The following UNC5D variants were observed in gnomAD, a reference collection of about 807,000 sequenced individuals.
UNC5D encodes the protein netrin receptor UNC5D.
A neutral mutation model predicts 105.4 loss-of-function variants in UNC5D; 39 were observed. That is an observed-to-expected ratio of 0.37 (90% CI 0.29 to 0.48). The LOEUF (loss-of-function observed/expected upper bound fraction) is 0.48, where lower values mean the gene tolerates loss of function less well. UNC5D is among the 20% of genes least tolerant of loss of function. The pLI, the probability that UNC5D is intolerant of heterozygous loss-of-function variation, is 0.98. For synonymous variants in UNC5D, 452 were observed against 450.4 expected, an observed-to-expected ratio of 1.00 and a Z score of -0.04; for missense variants, 991 against 1,202.4, an observed-to-expected ratio of 0.82 and a Z score of 2.60.
intron 1 of UNC5D, among the ~76,000 whole-genome samples, chr8:35,412,038 G>A (rs769720195): frequency 2.1e-4 from 32 of 152,024 alleles, no homozygotes; most frequent in Non-Finnish European, 4.3e-4. Flanking sequence ...ACTGAAGAAA[G>A]TGTATGTGCT....
At chr8:35,305,577 T>TTTTCTTTCTTTCTTTCTTTCTTTCTTTC (rs1179890296) in intron 1 of UNC5D, among the ~76,000 whole-genome samples, 13 of 54,024 alleles carry the variant, frequency 2.4e-4, no homozygotes, top group African/African-American at 3.9e-4. Context: ...CTTTCTTTCT[T>TTTTCTTTCTTTCTTTCTTTCTTTCTTTC]TTTCTTTCTT....
rs1829083021 is a variant in UNC5D at position 35,729,661 on chromosome 8, G to A, written c.1682-1351G>A. Among the ~76,000 whole-genome samples, 2 of 152,138 alleles carry A rather than the reference G, an allele frequency of 1.3e-5. 1 individual carries two copies. Among genetic ancestry groups the A allele is most frequent in the South Asian group, 4.1e-4 (2 of 4,828 alleles). The stretch of plus-strand genomic sequence containing the variant: ...TGCAACTTGTGTTTAGCAGCAGGGA[G>A]GTTTATAATGGAGGCCCCTTCATTT... On this transcript the variant is annotated intron_variant, in intron 10 of 16. Transcript: ENST00000404895.
chr8:35,446,727 C>T (rs966262679), intron 1 of UNC5D, among the ~76,000 whole-genome samples: 19 of 152,018 alleles, frequency 1.2e-4, no homozygotes, highest in Non-Finnish European at 2.1e-4. Context: ...GCCCTTGGGT[C>T]TGTAGATCTT....
chr8:35,555,452 C>T (rs1163444973), intron 2 of UNC5D, among the ~76,000 whole-genome samples: 1 of 152,152 alleles, frequency 6.6e-6, no homozygotes, highest in Non-Finnish European at 1.5e-5. Flanking sequence ...TGTCTGATAT[C>T]GACCATACAT....
At chr8:35,312,531 A>T (rs536652326) in intron 1 of UNC5D, among the ~76,000 whole-genome samples, 10 of 152,312 alleles carry the variant, frequency 6.6e-5, no homozygotes, top group South Asian at 6.2e-4. Context: ...CTATGTGACT[A>T]AGAATTATTA....
intron 3 of UNC5D, among the ~76,000 whole-genome samples, chr8:35,593,086 C>CAA (rs71547639): frequency 6.9e-6 from 1 of 144,738 alleles, no homozygotes; most frequent in East Asian, 2.0e-4. Context: ...CACACACACA[C>CAA]AAATATGTAA....
intron 4 of UNC5D, among the ~76,000 whole-genome samples, chr8:35,627,394 A>G (rs1821752930): frequency 6.6e-6 from 1 of 152,204 alleles, no homozygotes; most frequent in South Asian, 2.1e-4. Flanking sequence ...GATTCTGAGC[A>G]CACTCAGGGC....
chr8:35,279,904 A>G (rs1323949284), intron 1 of UNC5D, among the ~76,000 whole-genome samples: 1 of 152,092 alleles, frequency 6.6e-6, no homozygotes, highest in Non-Finnish European at 1.5e-5. Flanking sequence ...AATTCTGGCT[A>G]CTCTTATGGT....
intron 1 of UNC5D, chr8:35,256,598 T>A (rs973398081): frequency 1.3e-5 from 2 of 151,228 alleles, no homozygotes; most frequent in African/African-American, 4.9e-5. Context: ...CATTATTATG[T>A]GCTTTACAAA....
chr8:35,639,378 T>C (rs1007202201), intron 4 of UNC5D, among the ~76,000 whole-genome samples: 1 of 152,202 alleles, frequency 6.6e-6, no homozygotes, highest in Admixed American at 6.5e-5. Context: ...TTAATTCAAT[T>C]GTTAACTATA....
chr8:35,254,646 G>T (rs1239972363), intron 1 of UNC5D: 2 of 152,172 alleles, frequency 1.3e-5, no homozygotes, highest in Non-Finnish European at 2.9e-5. Context: ...TTGTTCAGGA[G>T]AACTGCTTTC....
intron 1 of UNC5D, among the ~76,000 whole-genome samples, chr8:35,386,101 T>C (rs1399580336): frequency 6.6e-6 from 1 of 152,224 alleles, no homozygotes; most frequent in Non-Finnish European, 1.5e-5. Context: ...ACATTCATGC[T>C]TAATTTAATC....
intron 1 of UNC5D, among the ~76,000 whole-genome samples, chr8:35,446,229 A>T (rs1045784213): frequency 6.6e-6 from 1 of 151,772 alleles, no homozygotes; most frequent in African/African-American, 2.4e-5. Context: ...GATTCCCTGC[A>T]TTTCCAACAT....
chr8:35,416,850 C>T (rs1186186481), intron 1 of UNC5D, among the ~76,000 whole-genome samples: 1 of 152,302 alleles, frequency 6.6e-6, no homozygotes, highest in East Asian at 1.9e-4. Flanking sequence ...GATTCAACAG[C>T]AAACTCAGTT....
chr8:35,248,942 A>G (rs1446058013), intron 1 of UNC5D, among the ~76,000 whole-genome samples: 1 of 95,136 alleles, frequency 1.1e-5, no homozygotes. Flanking sequence ...TATATAATAT[A>G]TTATATATAA....
chr8:35,482,471 T>C (rs1244676155), intron 1 of UNC5D, among the ~76,000 whole-genome samples: 3 of 152,158 alleles, frequency 2.0e-5, no homozygotes, highest in Admixed American at 6.5e-5. Flanking sequence ...TTCCTACTCC[T>C]CTTTTTCTAA....
At chr8:35,514,500 C>A (rs1479427030) in intron 1 of UNC5D, among the ~76,000 whole-genome samples, 1 of 152,182 alleles carries the variant, frequency 6.6e-6, no homozygotes, top group Admixed American at 6.5e-5. Flanking sequence ...GTACAACATT[C>A]CAATCAAAGC....
chr8:35,420,523 T>G (rs1805829772), intron 1 of UNC5D, among the ~76,000 whole-genome samples: 1 of 152,184 alleles, frequency 6.6e-6, no homozygotes, highest in African/African-American at 2.4e-5. Flanking sequence ...AAAGTGCTTG[T>G]TACCTCTATT....
chr8:35,606,276 G>A (rs571097351), intron 4 of UNC5D, among the ~76,000 whole-genome samples: 14 of 152,188 alleles, frequency 9.2e-5, no homozygotes, highest in Admixed American at 3.3e-4. Flanking sequence ...ATGAGCCACC[G>A]CACCTGACCC....
Sources: gnomAD v4.1 joint callset for allele counts (sites outside exome capture counted in the v4.1 genomes callset) on GRCh38, gnomAD v4.1.1 for gene constraint, MANE v1.5 for transcripts, NCBI Gene and HGNC (gene_info 2026-07-23, HGNC 2026-07-21) for gene names.